CLTC: variants seen among roughly 807,000 people sequenced by gnomAD.
CLTC encodes the protein clathrin heavy chain.
Under a neutral mutation model 195.8 loss-of-function variants are expected in CLTC, and 16 were observed. The observed-to-expected ratio is 0.08, with a 90% confidence interval of 0.06 to 0.12. CLTC has a LOEUF of 0.12. CLTC is among the 10% of genes least tolerant of loss of function. The probability of loss-of-function intolerance (pLI) is 1.00; values close to 1 mark genes in which losing one functional copy is unlikely to be tolerated. For synonymous variants in CLTC, 667 were observed against 689.4 expected (o/e 0.97, Z 0.51); for missense variants, 796 against 2,027.0 (o/e 0.39, Z 11.66).
At chr17:59,673,333 G>GA (rs924673849) in intron 14 of CLTC, among the ~76,000 whole-genome samples, 9 of 152,168 alleles carry the variant, frequency 5.9e-5, no homozygotes, top group African/African-American at 2.2e-4. Flanking sequence ...TATTACCAGT[G>GA]AAAGTCCCAG....
chr17:59,695,896 C>T lies in CLTC; in HGVS notation c.*2044C>T, dbSNP rs1598253947. On this transcript the variant is annotated 3_prime_UTR_variant, in exon 32 of 32. Transcript: ENST00000269122. The stretch of plus-strand genomic sequence containing the variant: ...CTCTGTGGAGACCCTGTGGGTTCTG[C>T]AGAGTATACTTTGAAAACTATAAGA... The T allele has an allele frequency of 5.0e-6, 1 of 199,284 alleles. No homozygotes were observed. The highest frequency in any genetic ancestry group is 7.8e-5 in the East Asian group (1 of 12,802). The allele number at this position is 199,284 out of a possible 1,614,324, so 12.3% of individuals were successfully genotyped here.
chr17:59,673,267 T>C (rs2143572058), intron 14 of CLTC, among the ~76,000 whole-genome samples: 1 of 152,292 alleles, frequency 6.6e-6, no homozygotes, highest in Admixed American at 6.5e-5. Flanking sequence ...ATTTATGCCA[T>C]ATGTTTGACA....
chr17:59,661,192 T>C (rs886168193), intron 7 of CLTC, among the ~76,000 whole-genome samples: 4 of 151,678 alleles, frequency 2.6e-5, no homozygotes, highest in South Asian at 2.1e-4. Context: ...TTTTTTTTTT[T>C]CCAAATTCTG....
At chr17:59,629,903 A>G (rs932830168) in intron 1 of CLTC, among the ~76,000 whole-genome samples, 1 of 152,210 alleles carries the variant, frequency 6.6e-6, no homozygotes, top group Non-Finnish European at 1.5e-5. Context: ...AAACTGCACC[A>G]TTATGATTGC....
chr17:59,685,381 CTTATG>C lies in CLTC; in HGVS notation c.4605+159_4605+163del, dbSNP rs1387682210. Among the ~76,000 whole-genome samples, 2 of 152,040 alleles carry C rather than the reference CTTATG, an allele frequency of 1.3e-5. No individual in the cohort carries two copies. Among genetic ancestry groups the C allele is most frequent in the Middle Eastern group, 3.2e-3 (1 of 316 alleles). ...TGGATTTCTTGATTCTAGGGGCTCT[CTTATG>C]TTAAGGTCAAACTTGTCTGGGGAAA... On this transcript the variant is annotated intron_variant, in intron 29 of 31. Coordinates refer to ENST00000269122, the MANE Select transcript of CLTC (RefSeq NM_004859.4). This position sits in a 1 kb window ranked among gnomAD's most constrained non-coding sequence, Gnocchi z 5.0.
chr17:59,643,182 C>T (rs538638506), intron 1 of CLTC, among the ~76,000 whole-genome samples: 2 of 138,774 alleles, frequency 1.4e-5, no homozygotes, highest in South Asian at 2.4e-4. Flanking sequence ...TTGTACCATG[C>T]GAATTTATTA....
chr17:59,663,485 T>C (rs2032656266), intron 8 of CLTC, among the ~76,000 whole-genome samples: 1 of 152,204 alleles, frequency 6.6e-6, no homozygotes, highest in African/African-American at 2.4e-5. Flanking sequence ...TTTTGAAAAA[T>C]TGGGGCCATG....
chr17:59,683,733 C>T lies in CLTC; in HGVS notation c.4300C>T (p.Arg1434Cys), dbSNP rs1441348143. Residue 1434 changes from arginine (R) to cysteine (C), a missense_variant, in exon 27 of 32, where the codon CGT becomes TGT. By Grantham distance (180) the Arg-to-Cys change is radical (BLOSUM62 -3). Transcript: ENST00000269122. The surrounding 1 kb of genome is among the most constrained non-coding windows in gnomAD (Gnocchi z 6.1). ...GCTGTCTCCACGGTTGGATCACACT[C>T]GTGCAGTCAATTATTTCAGCAAGGT... ...MVLSPRLDHT[R>C]AVNYFSKVKQ... 1 of 1,614,132 alleles carries T rather than the reference C, an allele frequency of 6.2e-7. No individual in the cohort carries two copies. Among genetic ancestry groups the T allele is most frequent in the Admixed American group, 1.7e-5 (1 of 60,026 alleles).
In CLTC at chr17:59,682,581, A is replaced by G. The variant is rs750604849; in HGVS notation, c.3601-48A>G. Reference sequence around the variant, plus strand: ...AGATATCAATTTGAAAAGAGGATTAAGCTCACACTAATATCTTGCTGAATG... The same window carrying G: ...AGATATCAATTTGAAAAGAGGATTAGGCTCACACTAATATCTTGCTGAATG... On this transcript the variant is annotated intron_variant, in intron 22 of 31. Coordinates refer to ENST00000269122, the MANE Select transcript of CLTC (RefSeq NM_004859.4). This position sits in a 1 kb window ranked among gnomAD's most constrained non-coding sequence, Gnocchi z 6.8. 20 of 1,599,938 alleles carry G rather than the reference A, an allele frequency of 1.3e-5. 1 individual carries two copies. The South Asian group carries it at 1.9e-4, about 15-fold the overall frequency.
chr17:59,680,870 C>T, intron 18 of CLTC, 42 bp from the exon 19 acceptor site: 9 of 1,481,560 alleles, frequency 6.1e-6, no homozygotes, highest in South Asian at 4.4e-5. Flanking sequence ...TTTTTAAAAC[C>T]AACTTGATTC....
intron 5 of CLTC, among the ~76,000 whole-genome samples, chr17:59,655,596 C>G (rs2333559): frequency 0.78 from 118,164 of 152,192 alleles, 46,824 homozygotes; most frequent in East Asian, 0.93. Flanking sequence ...AATGAGGTAT[C>G]CCTGTAATAC....
At chr17:59,641,603 CAAAA>C (rs34208843) in intron 1 of CLTC, among the ~76,000 whole-genome samples, 6 of 48,848 alleles carry the variant, frequency 1.2e-4, no homozygotes, top group African/African-American at 3.6e-4. Flanking sequence ...GACTCCATCT[CAAAA>C]AAAAAAAAAA....
Position 59,696,241 on chromosome 17 carries a change from C to G in CLTC, c.*2389C>G, listed in dbSNP as rs2033420503. 4.5e-6 allele frequency: 1 copy of G among 221,658 alleles called. No individual in the cohort carries two copies. The highest frequency in any genetic ancestry group is 2.2e-5 in the African/African-American group (1 of 44,672). The allele number at this position is 221,658 out of a possible 1,614,324, so 13.7% of individuals were successfully genotyped here. A position where few individuals can be genotyped will look rare whatever the true frequency, so the allele number is the denominator to read the frequency against. On this transcript the variant is annotated 3_prime_UTR_variant, in exon 32 of 32. Transcript: ENST00000269122. ...ATAGTTGCTATTGTGGCATCATTCA[C>G]AGTTGCAATTTTTCTCCTGTGCTGT...
At chr17:59,622,180 T>G (rs2031401337) in intron 1 of CLTC, among the ~76,000 whole-genome samples, 1 of 152,208 alleles carries the variant, frequency 6.6e-6, no homozygotes, top group South Asian at 2.1e-4. Flanking sequence ...TCAAATAATT[T>G]GAAGATTTTG....
chr17:59,684,321 C>G (rs1201829949), intron 28 of CLTC: 1 of 207,822 alleles, frequency 4.8e-6, no homozygotes, highest in East Asian at 1.3e-4. Context: ...CACCATTTTT[C>G]TTGCCTACTG....
intron 30 of CLTC, among the ~76,000 whole-genome samples, chr17:59,688,421 ACATG>A (rs2033230212): frequency 6.6e-6 from 1 of 152,200 alleles, no homozygotes; most frequent in Non-Finnish European, 1.5e-5. Flanking sequence ...GAATTCATTG[ACATG>A]CTTACCTGTA....
chr17:59,620,117 A>AC lies in CLTC; in HGVS notation c.-10dup, dbSNP rs777317526. Reference sequence around the variant, plus strand: ...GCCCCAGTGACAGGAGGAGACCATAACCCCCGACAGCGCCATGGCCCAGAT... The same window carrying AC: ...GCCCCAGTGACAGGAGGAGACCATAACCCCCCGACAGCGCCATGGCCCAGAT... On this transcript the variant is annotated 5_prime_UTR_variant, in exon 1 of 32. Transcript: ENST00000269122. 20 of 1,612,970 alleles carry AC rather than the reference A, an allele frequency of 1.2e-5. No homozygotes were observed. Among genetic ancestry groups the AC allele is most frequent in the Non-Finnish European group, 1.7e-5 (20 of 1,179,680 alleles).
intron 1 of CLTC, among the ~76,000 whole-genome samples, chr17:59,628,060 G>A (rs917662764): frequency 3.3e-5 from 5 of 152,182 alleles, no homozygotes; most frequent in African/African-American, 1.2e-4. Context: ...GTTGTGCTTT[G>A]GAGGCAGACT....
At chr17:59,675,702 G>C (rs1478015719) in intron 16 of CLTC, among the ~76,000 whole-genome samples, 1 of 152,136 alleles carries the variant, frequency 6.6e-6, no homozygotes, top group African/African-American at 2.4e-5. Flanking sequence ...GTTCAGTTGA[G>C]TCTGAACCTA....
Sources: gnomAD v4.1 joint callset for allele counts (sites outside exome capture counted in the v4.1 genomes callset) on GRCh38, gnomAD v4.1.1 for gene constraint, Gnocchi (gnomAD v3.1) non-coding constraint, MANE v1.5 for transcripts, NCBI Gene and HGNC (gene_info 2026-07-23, HGNC 2026-07-21) for gene names.